Variants in KCNB2 observed in about 807,000 individuals in gnomAD.
The protein encoded by KCNB2 is potassium voltage-gated channel subfamily B member 2.
Under a neutral mutation model 61.5 loss-of-function variants are expected in KCNB2, and 15 were observed. That is an observed-to-expected ratio of 0.24 (90% CI 0.16 to 0.38). The LOEUF (loss-of-function observed/expected upper bound fraction) is 0.38, where lower values mean the gene tolerates loss of function less well. Ranked by LOEUF, KCNB2 falls within the 10% of genes least tolerant of loss-of-function variation. The pLI is 1.00. For missense variants in KCNB2, 828 were observed against 1,125.2 expected (o/e 0.74, Z 3.78); for synonymous variants, 457 against 446.0 (o/e 1.02, Z -0.31).
At chr8:72,932,831 A>G (rs569673207) in intron 2 of KCNB2, among the ~76,000 whole-genome samples, 3 of 152,268 alleles carry the variant, frequency 2.0e-5, no homozygotes, top group East Asian at 1.9e-4. Context: ...CACATTTATT[A>G]TATTTATTGT....
At chr8:72,707,883 C>CA (rs201030062) in intron 2 of KCNB2, among the ~76,000 whole-genome samples, 1 of 151,780 alleles carries the variant, frequency 6.6e-6, no homozygotes, top group Non-Finnish European at 1.5e-5. Flanking sequence ...GAGGGCAGTG[C>CA]AAAAAAAGGG....
At chr8:72,811,679 A>G (rs1809308171) in intron 2 of KCNB2, among the ~76,000 whole-genome samples, 1 of 152,094 alleles carries the variant, frequency 6.6e-6, no homozygotes, top group Non-Finnish European at 1.5e-5. Context: ...TCTTTCTCAT[A>G]AAGGGTTGCA....
intron 2 of KCNB2, among the ~76,000 whole-genome samples, chr8:72,812,920 C>T (rs568823446): frequency 1.3e-5 from 2 of 152,134 alleles, no homozygotes; most frequent in East Asian, 1.9e-4. Flanking sequence ...GGAAGCTTTC[C>T]TTATTCTTCT....
intron 2 of KCNB2, among the ~76,000 whole-genome samples, chr8:72,764,622 G>C (rs1212463014): frequency 6.6e-6 from 1 of 152,164 alleles, no homozygotes; most frequent in Non-Finnish European, 1.5e-5. Flanking sequence ...CTCACACAGT[G>C]AGTAAGGCCC....
chr8:72,892,436 T>A (rs1805912660), intron 2 of KCNB2, among the ~76,000 whole-genome samples: 1 of 152,186 alleles, frequency 6.6e-6, no homozygotes. Flanking sequence ...GCCTACTTCA[T>A]CCTTTTTTCC....
At chr8:72,710,944 A>G (rs569167437) in intron 2 of KCNB2, among the ~76,000 whole-genome samples, 1 of 152,216 alleles carries the variant, frequency 6.6e-6, no homozygotes, top group African/African-American at 2.4e-5. Flanking sequence ...TATGAACTTC[A>G]TCGATCAACA....
chr8:72,559,305 C>T (rs959538819), intron 1 of KCNB2, among the ~76,000 whole-genome samples: 15 of 151,780 alleles, frequency 9.9e-5, no homozygotes, highest in African/African-American at 3.1e-4. Flanking sequence ...CTACTACACC[C>T]GGCTAATTTT....
intron 2 of KCNB2, among the ~76,000 whole-genome samples, chr8:72,815,281 C>T (rs1809375973): frequency 6.6e-6 from 1 of 151,940 alleles, no homozygotes. Flanking sequence ...TCATGAGATA[C>T]GGATATTTTA....
chr8:72,702,849 G>C (rs1363510199), intron 2 of KCNB2, among the ~76,000 whole-genome samples: 1 of 152,068 alleles, frequency 6.6e-6, no homozygotes, highest in Non-Finnish European at 1.5e-5. Context: ...CAGGTGTTAG[G>C]GGAGAATGCC....
At chr8:72,848,640 C>T (rs1430139734) in intron 2 of KCNB2, among the ~76,000 whole-genome samples, 1 of 152,060 alleles carries the variant, frequency 6.6e-6, no homozygotes, top group African/African-American at 2.4e-5. Flanking sequence ...GTAACATTGC[C>T]TTAGAGGACT....
chr8:72,895,678 C>T (rs779911743), intron 2 of KCNB2, among the ~76,000 whole-genome samples: 10 of 152,058 alleles, frequency 6.6e-5, no homozygotes, highest in South Asian at 6.2e-4. Flanking sequence ...GGATGAGAGA[C>T]GAACATAAAG....
intron 1 of KCNB2, among the ~76,000 whole-genome samples, chr8:72,561,119 A>C (rs985359107): frequency 6.6e-6 from 1 of 152,024 alleles, no homozygotes; most frequent in African/African-American, 2.4e-5. Flanking sequence ...ATCTGAGTGT[A>C]TCTAAAAAAA....
intron 2 of KCNB2, among the ~76,000 whole-genome samples, chr8:72,776,836 C>T (rs1237137551): frequency 6.6e-6 from 1 of 152,132 alleles, no homozygotes; most frequent in Admixed American, 6.5e-5. Flanking sequence ...GACCTTGCTG[C>T]CTGCTGAATC....
intron 2 of KCNB2, among the ~76,000 whole-genome samples, chr8:72,572,810 A>G (rs1563526936): frequency 6.6e-6 from 1 of 152,104 alleles, no homozygotes; most frequent in Non-Finnish European, 1.5e-5. Context: ...ATTCCTTCTC[A>G]CTAGCACCAG....
chr8:72,561,747 G>GTGTATATA (rs1563523487), intron 1 of KCNB2, among the ~76,000 whole-genome samples: 44 of 16,024 alleles, frequency 2.7e-3, no homozygotes, highest in East Asian at 8.8e-3. Context: ...ATATATATAT[G>GTGTATATA]TATATATATA....
In KCNB2 at chr8:72,725,531, A is replaced by ATATATATG. The variant is rs1563571851; in HGVS notation, c.579+157225_579+157226insGTATATAT. The stretch of plus-strand genomic sequence containing the variant: ...TCTTCATATATATATATATATATAT[A>ATATATATG]TATATATATGTGTGTATATATATAT... On this transcript the variant is annotated intron_variant, in intron 2 of 2. Coordinates refer to ENST00000523207, the MANE Select transcript of KCNB2 (RefSeq NM_004770.3). Among the ~76,000 whole-genome samples, 6 of 18,364 alleles carry ATATATATG rather than the reference A, an allele frequency of 3.3e-4. 1 individual carries two copies. Among genetic ancestry groups the ATATATATG allele is most frequent in the Admixed American group, 8.4e-4 (2 of 2,376 alleles). 12.0% of individuals were successfully genotyped at this position (18,364 alleles called of 152,430 possible). A position where few individuals can be genotyped will look rare whatever the true frequency, so the allele number is the denominator to read the frequency against.
intron 2 of KCNB2, among the ~76,000 whole-genome samples, chr8:72,870,981 G>A (rs183409451): frequency 1.3e-4 from 20 of 152,150 alleles, no homozygotes; most frequent in African/African-American, 4.8e-4. Flanking sequence ...TTTCTCAAGG[G>A]GGAAAATAGA....
intron 2 of KCNB2, chr8:72,749,343 T>G (rs1808143600): frequency 6.6e-6 from 1 of 151,938 alleles, no homozygotes; most frequent in African/African-American, 2.4e-5. Flanking sequence ...TCCAGGCTGG[T>G]CTCAAGCTCC....
chr8:72,825,329 T>C (rs1274157062), intron 2 of KCNB2, among the ~76,000 whole-genome samples: 2 of 152,228 alleles, frequency 1.3e-5, no homozygotes, highest in South Asian at 4.1e-4. Context: ...CACCTTTTTG[T>C]ATGTGTAAGT....
Sources: allele counts gnomAD v4.1 joint callset (sites outside exome capture counted in the v4.1 genomes callset), GRCh38; gene constraint gnomAD v4.1.1; transcripts MANE v1.5; gene names NCBI Gene and HGNC (gene_info 2026-07-23, HGNC 2026-07-21).